The following PLCB3 variants were observed in gnomAD, a reference collection of about 807,000 sequenced individuals.
PLCB3 encodes 1-phosphatidylinositol 4,5-bisphosphate phosphodiesterase beta-3.
A neutral mutation model predicts 152.1 loss-of-function variants in PLCB3; 54 were observed. That is an observed-to-expected ratio of 0.36 (90% CI 0.29 to 0.45). The LOEUF (loss-of-function observed/expected upper bound fraction) is 0.45, where lower values mean the gene tolerates loss of function less well. Ranked by LOEUF, PLCB3 falls within the 20% of genes least tolerant of loss-of-function variation. PLCB3 has a pLI of 1.00. For missense variants in PLCB3, 1,248 were observed against 1,687.5 expected (o/e 0.74, Z 4.56); for synonymous variants, 717 against 698.7 (o/e 1.03, Z -0.41).
At position 64,264,982 on chromosome 11, in the gene PLCB3, C is replaced by T. The variant is rs777384185; in HGVS notation, c.2684C>T (p.Thr895Ile). 1.9e-6 allele frequency: 3 copies of T among 1,612,506 alleles called. No homozygotes were observed. Among genetic ancestry groups the T allele is most frequent in the Admixed American group, 3.3e-5 (2 of 59,982 alleles). ...GCTGGCCAAGAGACGTGCCAGGACA[C>T]CCAGTCTCAGCAGCTGGGGTCTCAG... Reference protein sequence around the residue: ...AQAGQETCQDTQSQQLGSQPS... With the variant: ...AQAGQETCQDIQSQQLGSQPS... The change falls in exon 23 of 31, where the codon ACC (threonine) becomes ATC (isoleucine). Residue 895 changes from threonine to isoleucine, a missense_variant. Physicochemically the swap from Thr to Ile is moderately conservative, Grantham distance 89. Around this residue, in one of 6 missense-constraint regions of PLCB3, gnomAD observed 477 missense variants for 489.6 expected, o/e 0.97. Transcript: ENST00000279230.
At chr11:64,263,411 A>T in intron 19 of PLCB3, 87 bp from the exon 20 acceptor site, 1 of 796,608 alleles carries the variant, frequency 1.3e-6, no homozygotes, top group Non-Finnish European at 2.0e-6. Context: ...CTGCTTTGTT[A>T]AGCTTTGATG....
intron 13 of PLCB3, 44 bp from the exon 14 acceptor site, chr11:64,259,985 C>T: frequency 1.3e-6 from 2 of 1,523,730 alleles, no homozygotes; most frequent in Non-Finnish European, 1.8e-6. Flanking sequence ...TCCTAAGCAG[C>T]TGTGTGGTCC....
At chr11:64,260,864 A>G (rs948083560) in intron 14 of PLCB3, among the ~76,000 whole-genome samples, 1 of 152,036 alleles carries the variant, frequency 6.6e-6, no homozygotes, top group East Asian at 1.9e-4. Context: ...ATATTAGATA[A>G]TATGTTAATG....
In PLCB3 at chr11:64,267,535, G is replaced by A. The variant is rs1306882014; in HGVS notation, c.3684G>A (p.Gln1228=). The change falls in exon 31 of 31, where the codon CAG becomes CAA. Residue 1228 remains glutamine, a synonymous_variant. Transcript: ENST00000279230. This position sits in a 1 kb window ranked among gnomAD's most constrained non-coding sequence, Gnocchi z 5.2. ...TGTCGGGCGCTGACTCGGAGAGCCAGGAGGAGAACACGCAGCTCTGAACTG... is the reference window on the plus strand; with the variant it reads ...TGTCGGGCGCTGACTCGGAGAGCCAAGAGGAGAACACGCAGCTCTGAACTG... ...GHLSGADSES[Q]EENTQL is the part of the protein sequence containing the mutation. The A allele has an allele frequency of 1.3e-6, 2 of 1,564,864 alleles. No homozygotes were observed. The highest frequency in any genetic ancestry group is 2.7e-5 in the African/African-American group (2 of 74,006).
Position 64,258,153 on chromosome 11 carries a change from C to CAAAA in PLCB3, c.1013-307_1013-304dup, listed in dbSNP as rs34969821. ...TGGGTGACAGAGCGAGGTTCCGTCTCAAAAAAAAAAAAAAAAGAGATTGGA... is the reference window on the plus strand; with the variant it reads ...TGGGTGACAGAGCGAGGTTCCGTCTCAAAAAAAAAAAAAAAAAAAAGAGATTGGA... On this transcript the variant is annotated intron_variant, in intron 10 of 30. Coordinates refer to ENST00000279230, the MANE Select transcript of PLCB3 (RefSeq NM_000932.5). This position sits in a 1 kb window ranked among gnomAD's most constrained non-coding sequence, Gnocchi z 7.2. Among the ~76,000 whole-genome samples the CAAAA allele has an allele frequency of 1.0e-5, 1 of 99,046 alleles. No individual in the cohort carries two copies. The allele number at this position is 99,046 out of a possible 152,430, so 65.0% of individuals were successfully genotyped here.
At chr11:64,259,379 G>A (rs1437669756) in intron 13 of PLCB3, 135 bp downstream of exon 13, 34 of 746,152 alleles carry the variant, frequency 4.6e-5, no homozygotes, top group Middle Eastern at 4.0e-4. Context: ...CAACCGGCCT[G>A]TCTCCTCACC....
Position 64,265,232 on chromosome 11 carries a change from G to A in PLCB3, c.2842+5G>A, listed in dbSNP as rs765647727. ...TCATCGCCAGCATCCTCTCAGGTAG[G>A]GGGCGGGGTACCTGGAGGCAGGGGG... On this transcript the variant is annotated splice_donor_5th_base_variant and intron_variant, in intron 24 of 30. Coordinates refer to ENST00000279230, the MANE Select transcript of PLCB3 (RefSeq NM_000932.5). 1.9e-6 allele frequency: 3 copies of A among 1,598,254 alleles called. No homozygotes were observed. In the East Asian group the frequency reaches 6.8e-5, roughly 36 times the overall value.
rs191737142 is a variant in PLCB3 at position 64,266,384 on chromosome 11, G to A, written c.3336G>A (p.Arg1112=). The A allele has an allele frequency of 1.3e-4, 202 of 1,609,918 alleles. No individual in the cohort carries two copies. In the East Asian group the frequency reaches 4.1e-3, roughly 32 times the overall value. ...RHNSISEAKM[R]DKHKKEAELT... ...ACAGCATCTCGGAGGCCAAGATGAG[G>A]GACAAGCATAAGAAGGAGGCGTAAG... is the stretch of plus-strand genomic sequence containing the variant. The change falls in exon 28 of 31, where the codon AGG becomes AGA. Residue 1112 remains arginine, a synonymous_variant. Coordinates refer to ENST00000279230, the MANE Select transcript of PLCB3 (RefSeq NM_000932.5). The surrounding 1 kb of genome is among the most constrained non-coding windows in gnomAD (Gnocchi z 4.9).
downstream of PLCB3, among the ~76,000 whole-genome samples, chr11:64,268,103 C>G (rs1228050394): frequency 6.6e-6 from 1 of 152,156 alleles, no homozygotes; most frequent in African/African-American, 2.4e-5. Context: ...CTTGTGCCCT[C>G]TGCCCCCAAG....
chr11:64,256,904 C>A, intron 10 of PLCB3, 140 bp downstream of exon 10: 1 of 947,666 alleles, frequency 1.1e-6, no homozygotes, highest in Non-Finnish European at 1.6e-6. Context: ...GAACAGGCAG[C>A]CAGCCCTGAG....
In PLCB3 at chr11:64,258,735, A is replaced by G. The variant is rs1445274049; in HGVS notation, c.1253+22A>G. 1 of 1,612,760 alleles carries G rather than the reference A, an allele frequency of 6.2e-7. No individual in the cohort carries two copies. ...ACTCGTGAGTGAGCCCCTGGCATGA[A>G]ACCCCATGGACCGGGGGACAGTCTT... On this transcript the variant is annotated intron_variant, in intron 11 of 30. Transcript: ENST00000279230. The surrounding 1 kb of genome is among the most constrained non-coding windows in gnomAD (Gnocchi z 7.2).
Position 64,265,458 on chromosome 11 carries a change from T to C in PLCB3, c.2991T>C (p.Ala997=). 3 of 1,609,124 alleles carry C rather than the reference T, an allele frequency of 1.9e-6. No homozygotes were observed. The highest frequency in any genetic ancestry group is 1.7e-6 in the Non-Finnish European group (2 of 1,179,728). The change falls in exon 25 of 31, where the codon GCT becomes GCC. Residue 997 remains alanine (A), a synonymous_variant. Coordinates refer to ENST00000279230, the MANE Select transcript of PLCB3 (RefSeq NM_000932.5). The part of the protein sequence containing the change: ...TLTRRLLDGL[A]QAQAEGRCRL... ...CCCGCCGCCTGCTGGATGGCCTGGCTCAGGCACAGGCTGAGGGCAGGTGCC... is the reference window on the plus strand; with the variant it reads ...CCCGCCGCCTGCTGGATGGCCTGGCCCAGGCACAGGCTGAGGGCAGGTGCC...
rs372605260 is a variant in PLCB3 at position 64,256,702 on chromosome 11, C to T, written c.950C>T (p.Thr317Met). 1.7e-5 allele frequency: 27 copies of T among 1,614,098 alleles called. No homozygotes were observed. Among genetic ancestry groups the T allele is most frequent in the South Asian group, 4.4e-5 (4 of 91,088 alleles). The stretch of plus-strand genomic sequence containing the variant: ...CCCCTGGAAGCCCTGGATCTGAGCA[C>T]GGACATGACCCAGCCACTGAGTGCC... ...ILPLEALDLSTDMTQPLSAYF... is the reference protein window; with the variant it reads ...ILPLEALDLSMDMTQPLSAYF... The change falls in exon 10 of 31, where the codon ACG (threonine) becomes ATG (methionine). Residue 317 changes from threonine (T) to methionine (M), a missense_variant. By Grantham distance (81) the Thr-to-Met change is moderately conservative. This residue lies in a region of PLCB3 where 299 missense variants were observed against 434.7 expected (regional missense o/e 0.69). Coordinates refer to ENST00000279230, the MANE Select transcript of PLCB3 (RefSeq NM_000932.5).
At chr11:64,264,503 C>T (rs913682741) in intron 22 of PLCB3, among the ~76,000 whole-genome samples, 16 of 152,058 alleles carry the variant, frequency 1.1e-4, no homozygotes, top group Admixed American at 3.3e-4. Context: ...GGCAGGCGGG[C>T]GGGGAGAGAT....
chr11:64,261,465 T>G lies in PLCB3; in HGVS notation c.1797T>G (p.Pro599=), dbSNP rs1202467678. ...EMSTLVNYIE[P]VKFKSFEAAR... ...CCACGCTTGTCAACTACATCGAACC[T>G]GTCAAGTTCAAGTCCTTTGAGGCTG... Residue 599 remains proline (P), a synonymous_variant, in exon 15 of 31, where the codon CCT becomes CCG. Transcript: ENST00000279230. 1 of 1,614,014 alleles carries G rather than the reference T, an allele frequency of 6.2e-7. No homozygotes were observed. The highest frequency in any genetic ancestry group is 1.3e-5 in the African/African-American group (1 of 74,914).
In PLCB3 at chr11:64,251,574, G is replaced by A. The variant is rs1263125661; in HGVS notation, c.-76G>A. ...CACTGACGCCGCGGGGCCGGAGCGG[G>A]CCGCGCGGTGGGAGCAGCGGCGCCG... On this transcript the variant is annotated 5_prime_UTR_variant, in exon 1 of 31. Transcript: ENST00000279230. 7 of 594,764 alleles carry A rather than the reference G, an allele frequency of 1.2e-5. No individual in the cohort carries two copies. The highest frequency in any genetic ancestry group is 1.7e-5 in the Non-Finnish European group (7 of 420,442). 36.8% of individuals were successfully genotyped at this position (594,764 alleles called of 1,614,324 possible).
rs1291682189 is a variant in PLCB3 at position 64,255,258 on chromosome 11, C to T, written c.412C>T (p.Leu138=). ...AKVWSEELFK[L]AMNILAQNAS... ...GGTCTGGTCTGAGGAGCTATTCAAG[C>T]TGGCTATGAACATCCTGGCTCAGAA... The change falls in exon 5 of 31, where the codon CTG becomes TTG. Residue 138 remains leucine, a synonymous_variant. Transcript: ENST00000279230. This position sits in a 1 kb window ranked among gnomAD's most constrained non-coding sequence, Gnocchi z 6.8. The T allele has an allele frequency of 1.2e-6, 2 of 1,613,570 alleles. No homozygotes were observed. The highest frequency in any genetic ancestry group is 1.7e-6 in the Non-Finnish European group (2 of 1,179,868).
At position 64,266,636 on chromosome 11, in the gene PLCB3, C is replaced by T. The variant is rs138569034; in HGVS notation, c.3414+84C>T. The T allele has an allele frequency of 1.8e-4, 242 of 1,359,374 alleles. No individual in the cohort carries two copies. The highest frequency in any genetic ancestry group is 6.5e-4 in the East Asian group (28 of 43,256). The allele number at this position is 1,359,374 out of a possible 1,614,324, so 84.2% of individuals were successfully genotyped here. A position where few individuals can be genotyped will look rare whatever the true frequency, so the allele number is the denominator to read the frequency against. ...CATCTCCATGCCTGGCCTGGTGCCA[C>T]GTTGCCCTCAAGGTTCTTCTAGGGC... On this transcript the variant is annotated intron_variant, in intron 29 of 30. Coordinates refer to ENST00000279230, the MANE Select transcript of PLCB3 (RefSeq NM_000932.5). This position sits in a 1 kb window ranked among gnomAD's most constrained non-coding sequence, Gnocchi z 4.9.
chr11:64,256,701 A>C lies in PLCB3; in HGVS notation c.949A>C (p.Thr317Pro). ...ILPLEALDLSTDMTQPLSAYF... is the reference protein window; with the variant it reads ...ILPLEALDLSPDMTQPLSAYF... ...GCCCCTGGAAGCCCTGGATCTGAGC[A>C]CGGACATGACCCAGCCACTGAGTGC... Residue 317 changes from threonine (T) to proline (P), a missense_variant, in exon 10 of 31, where the codon ACG becomes CCG. Physicochemically the swap from Thr to Pro is conservative, Grantham distance 38. Transcript: ENST00000279230. 6.2e-7 allele frequency: 1 copy of C among 1,614,234 alleles called. No individual in the cohort carries two copies. The highest frequency in any genetic ancestry group is 1.1e-5 in the South Asian group (1 of 91,084).
Sources: allele counts gnomAD v4.1 joint callset (sites outside exome capture counted in the v4.1 genomes callset), GRCh38; gene constraint gnomAD v4.1.1; regional missense constraint gnomAD v4.1.1; non-coding constraint Gnocchi (gnomAD v3.1); transcripts MANE v1.5; gene names NCBI Gene and HGNC (gene_info 2026-07-23, HGNC 2026-07-21).